TXNDC16: variants seen among roughly 807,000 people sequenced by gnomAD.
The protein encoded by TXNDC16 is thioredoxin domain-containing protein 16.
A neutral mutation model predicts 85.6 loss-of-function variants in TXNDC16; 74 were observed. The ratio of observed to expected loss-of-function variants is 0.86; its 90% confidence interval spans 0.72 to 1.05. TXNDC16 has a LOEUF of 1.05. TXNDC16 is among the 50% of genes least tolerant of loss of function. TXNDC16 has a pLI of 0.00. For synonymous variants in TXNDC16, 335 were observed against 326.5 expected, an observed-to-expected ratio of 1.03 and a Z score of -0.28; for missense variants, 959 against 947.0, an observed-to-expected ratio of 1.01 and a Z score of -0.17.
chr14:52,524,265 T>C (rs1045167317), intron 6 of TXNDC16, among the ~76,000 whole-genome samples: 1 of 152,184 alleles, frequency 6.6e-6, no homozygotes, highest in African/African-American at 2.4e-5. Context: ...AAGAATAAAA[T>C]ATTAGTGGAA....
intron 6 of TXNDC16, among the ~76,000 whole-genome samples, chr14:52,531,804 T>C (rs895688949): frequency 6.6e-6 from 1 of 152,176 alleles, no homozygotes; most frequent in Admixed American, 6.5e-5. Flanking sequence ...CTATGTACTT[T>C]AGTCAATAAT....
chr14:52,537,178 C>T (rs2140222970), intron 5 of TXNDC16, among the ~76,000 whole-genome samples: 1 of 152,140 alleles, frequency 6.6e-6, no homozygotes, highest in African/African-American at 2.4e-5. Flanking sequence ...AGGACCTCTC[C>T]CCACTTCTTC....
At chr14:52,440,751 T>C (rs977621595) in intron 18 of TXNDC16, 27 bp from the exon 19 acceptor site, 3 of 1,595,736 alleles carry the variant, frequency 1.9e-6, no homozygotes, top group South Asian at 1.2e-5. Context: ...ATAACAACAA[T>C]AAAAAATGCA....
chr14:52,498,559 C>G (rs189474704), intron 9 of TXNDC16, among the ~76,000 whole-genome samples: 44 of 151,788 alleles, frequency 2.9e-4, no homozygotes, highest in Admixed American at 1.3e-3. Flanking sequence ...GAAAATAATC[C>G]CATTTACAAT....
chr14:52,513,163 T>C (rs1406443030), intron 8 of TXNDC16, among the ~76,000 whole-genome samples: 6 of 152,182 alleles, frequency 3.9e-5, no homozygotes, highest in Non-Finnish European at 2.9e-5. Flanking sequence ...TAAATGCTTT[T>C]CTTAACAAAT....
intron 20 of TXNDC16, among the ~76,000 whole-genome samples, chr14:52,437,539 A>T (rs1239509792): frequency 6.6e-6 from 1 of 152,160 alleles, no homozygotes; most frequent in East Asian, 1.9e-4. Flanking sequence ...CAACCAAAGC[A>T]AAAATGGACA....
intron 6 of TXNDC16, among the ~76,000 whole-genome samples, chr14:52,523,441 T>C (rs969596967): frequency 1.3e-5 from 2 of 152,282 alleles, no homozygotes; most frequent in Non-Finnish European, 1.5e-5. Context: ...TACATTTCTG[T>C]CATCATTCAA....
At chr14:52,502,796 G>A (rs1449595665) in intron 9 of TXNDC16, among the ~76,000 whole-genome samples, 2 of 152,216 alleles carry the variant, frequency 1.3e-5, no homozygotes, top group African/African-American at 4.8e-5. Context: ...CCCAGGAAGT[G>A]CAAGGGGTCA....
At chr14:52,483,293 A>T (rs1007474201) in intron 12 of TXNDC16, among the ~76,000 whole-genome samples, 5 of 152,204 alleles carry the variant, frequency 3.3e-5, no homozygotes, top group Admixed American at 1.3e-4. Context: ...GGTAAACAAA[A>T]CAGACATAGT....
intron 20 of TXNDC16, among the ~76,000 whole-genome samples, chr14:52,433,338 T>C (rs2034951531): frequency 6.6e-6 from 1 of 152,186 alleles, no homozygotes; most frequent in African/African-American, 2.4e-5. Context: ...TAGCTAACTT[T>C]CTTCCATTTA....
chr14:52,518,277 A>T (rs1375808088), intron 7 of TXNDC16, among the ~76,000 whole-genome samples: 2 of 152,176 alleles, frequency 1.3e-5, no homozygotes, highest in Admixed American at 1.3e-4. Context: ...CATACTCCCA[A>T]CATGAAATGC....
chr14:52,467,261 AG>A (rs2035799256), intron 16 of TXNDC16, among the ~76,000 whole-genome samples: 1 of 152,192 alleles, frequency 6.6e-6, no homozygotes, highest in African/African-American at 2.4e-5. Flanking sequence ...AAATATCTAA[AG>A]GGTTAAAAAC....
chr14:52,524,494 T>G (rs1566577510), intron 6 of TXNDC16, among the ~76,000 whole-genome samples: 1 of 152,154 alleles, frequency 6.6e-6, no homozygotes, highest in East Asian at 1.9e-4. Context: ...TTGCATCATT[T>G]GATTTTTTAT....
chr14:52,477,292 A>G (rs1348980832), intron 14 of TXNDC16, among the ~76,000 whole-genome samples: 5 of 152,196 alleles, frequency 3.3e-5, no homozygotes, highest in African/African-American at 1.2e-4. Context: ...CAGGCAACAA[A>G]TAGCATGATG....
chr14:52,548,609 C>T (rs781330124), intron 1 of TXNDC16, among the ~76,000 whole-genome samples: 29 of 152,098 alleles, frequency 1.9e-4, no homozygotes, highest in African/African-American at 7.0e-4. Context: ...AGGCCAGGCA[C>T]GGTGGCTCAC....
intron 18 of TXNDC16, among the ~76,000 whole-genome samples, chr14:52,451,390 A>G (rs1193594065): frequency 6.6e-6 from 1 of 152,162 alleles, no homozygotes; most frequent in Non-Finnish European, 1.5e-5. Flanking sequence ...ACAAAGGCAT[A>G]TCAAGAAAAC....
intron 16 of TXNDC16, among the ~76,000 whole-genome samples, chr14:52,459,618 A>G (rs1002577351): frequency 1.3e-5 from 2 of 152,184 alleles, no homozygotes; most frequent in African/African-American, 4.8e-5. Context: ...GAGACACAAC[A>G]AAAGAAGAAA....
At chr14:52,487,205 T>C (rs1024329444) in intron 12 of TXNDC16, among the ~76,000 whole-genome samples, 1 of 152,154 alleles carries the variant, frequency 6.6e-6, no homozygotes, top group Admixed American at 6.5e-5. Flanking sequence ...GCTTATGTAA[T>C]GACAAGCCCA....
intron 1 of TXNDC16, among the ~76,000 whole-genome samples, chr14:52,552,029 G>A (rs1430002278): frequency 5.9e-5 from 9 of 152,216 alleles, no homozygotes; most frequent in East Asian, 5.8e-4. Flanking sequence ...CCTTGGCCTT[G>A]GGAGGAAAGG....
Sources: gnomAD v4.1 joint callset for allele counts (sites outside exome capture counted in the v4.1 genomes callset) on GRCh38, gnomAD v4.1.1 for gene constraint, MANE v1.5 for transcripts, NCBI Gene and HGNC (gene_info 2026-07-23, HGNC 2026-07-21) for gene names.